The following CTNNA3 variants were observed in gnomAD, a reference collection of about 807,000 sequenced individuals.
CTNNA3 encodes catenin alpha 3, also known as catenin alpha-3.
In CTNNA3, 76 loss-of-function variants were observed where a neutral mutation model predicts 95.7. The ratio of observed to expected loss-of-function variants is 0.79; its 90% CI spans 0.66 to 0.96. The LOEUF is 0.96. Ranked by LOEUF, CTNNA3 falls within the 40% of genes least tolerant of loss-of-function variation. The pLI, the probability that CTNNA3 is intolerant of heterozygous loss-of-function variation, is 0.00. For missense variants in CTNNA3, 1,191 were observed against 1,089.8 expected, an observed-to-expected ratio of 1.09 and a Z score of -1.31; for synonymous variants, 431 against 374.4, an observed-to-expected ratio of 1.15 and a Z score of -1.74.
intron 2 of CTNNA3, among the ~76,000 whole-genome samples, chr10:67,638,753 A>T (rs534785404): frequency 6.6e-6 from 1 of 152,198 alleles, no homozygotes; most frequent in African/African-American, 2.4e-5. Flanking sequence ...CTGCTCCTGA[A>T]TGACTACTGG....
chr10:66,165,416 T>C (rs577459370), intron 13 of CTNNA3, among the ~76,000 whole-genome samples: 39 of 152,238 alleles, frequency 2.6e-4, no homozygotes, highest in Middle Eastern at 3.4e-3. Context: ...CTAAGTAAAA[T>C]TGCATTATGC....
intron 11 of CTNNA3, among the ~76,000 whole-genome samples, chr10:66,441,909 C>T (rs1290520234): frequency 2.0e-5 from 3 of 152,136 alleles, no homozygotes; most frequent in African/African-American, 7.2e-5. Context: ...TAGACTTGTT[C>T]AGTGCTATCT....
chr10:67,741,972 G>A (rs892599055), intron 1 of CTNNA3, among the ~76,000 whole-genome samples: 8 of 151,144 alleles, frequency 5.3e-5, no homozygotes, highest in Admixed American at 4.6e-4. Flanking sequence ...CAAATATTGG[G>A]TGCACCCAAT....
chr10:65,941,491 T>C (rs1307632686), intron 17 of CTNNA3, among the ~76,000 whole-genome samples: 1 of 152,152 alleles, frequency 6.6e-6, no homozygotes, highest in Non-Finnish European at 1.5e-5. Flanking sequence ...ACCCACGTGA[T>C]TCCCATGCAG....
chr10:66,974,440 C>T (rs1849908635), intron 7 of CTNNA3, among the ~76,000 whole-genome samples: 1 of 152,144 alleles, frequency 6.6e-6, no homozygotes, highest in Non-Finnish European at 1.5e-5. Context: ...CAGTTTTTGA[C>T]TATTGTGAAT....
rs951290564 is a variant in CTNNA3 at position 67,727,586 on chromosome 10, TATATATC to T, written c.-2+35841_-2+35847del. Among the ~76,000 whole-genome samples the T allele has an allele frequency of 9.3e-5, 12 of 128,714 alleles. No homozygotes were observed. The East Asian group carries it at 1.0e-3, about 11-fold the overall frequency. 84.4% of individuals were successfully genotyped at this position (128,714 alleles called of 152,430 possible). On this transcript the variant is annotated intron_variant, in intron 1 of 17. Coordinates refer to the CTNNA3 transcript ENST00000684154. Reference sequence around the variant, plus strand: ...ATATAATATGTAGCATAATATATGATATATATCATATATCATATATTATATATGCAAT... The same window carrying T: ...ATATAATATGTAGCATAATATATGATATATATCATATATTATATATGCAAT...
intron 12 of CTNNA3, among the ~76,000 whole-genome samples, chr10:66,340,435 C>G (rs2092441932): frequency 6.6e-6 from 1 of 151,684 alleles, no homozygotes; most frequent in Non-Finnish European, 1.5e-5. Context: ...GATGGTAGAG[C>G]TGTTTGTTTG....
At chr10:65,949,886 C>T (rs149814270) in intron 17 of CTNNA3, among the ~76,000 whole-genome samples, 89 of 151,950 alleles carry the variant, frequency 5.9e-4, no homozygotes, top group Admixed American at 1.3e-3. Flanking sequence ...AAATGGGCAA[C>T]CAGGTAAAGG....
chr10:67,684,779 C>A (rs558439628), intron 1 of CTNNA3, among the ~76,000 whole-genome samples: 3 of 152,062 alleles, frequency 2.0e-5, no homozygotes, highest in Admixed American at 2.0e-4. Context: ...ACAAATTTGA[C>A]GAAGAGGTTA....
chr10:66,520,574 A>T (rs2132020615), intron 11 of CTNNA3, 43 bp downstream of exon 11: 1 of 1,551,870 alleles, frequency 6.4e-7, no homozygotes, highest in South Asian at 1.2e-5. Flanking sequence ...ATTTTATAAA[A>T]TTGACAAGAG....
At chr10:65,937,897 G>A (rs1401454412) in intron 17 of CTNNA3, among the ~76,000 whole-genome samples, 2 of 151,998 alleles carry the variant, frequency 1.3e-5, no homozygotes. Flanking sequence ...AGTAAGCAAA[G>A]GAAGGAGTGA....
intron 15 of CTNNA3, among the ~76,000 whole-genome samples, chr10:66,046,687 T>C (rs192329492): frequency 1.4e-4 from 21 of 151,946 alleles, no homozygotes; most frequent in Admixed American, 8.5e-4. Context: ...GAATTGGTTT[T>C]TTGAAAAAAA....
chr10:65,950,490 GT>G (rs1364043740), intron 17 of CTNNA3, among the ~76,000 whole-genome samples: 2 of 151,612 alleles, frequency 1.3e-5, no homozygotes, highest in Non-Finnish European at 2.9e-5. Context: ...ATCCAGCTCT[GT>G]TTTTTTCCTT....
chr10:66,902,499 A>G (rs775693367), intron 7 of CTNNA3, among the ~76,000 whole-genome samples: 8 of 152,168 alleles, frequency 5.3e-5, no homozygotes, highest in Non-Finnish European at 8.8e-5. Context: ...ACAAATTCAA[A>G]AGCTAGCAGA....
chr10:67,503,953 C>T (rs540128234), intron 5 of CTNNA3, among the ~76,000 whole-genome samples: 5 of 152,092 alleles, frequency 3.3e-5, no homozygotes, highest in Non-Finnish European at 7.4e-5. Flanking sequence ...GTCAGGAGAT[C>T]AAGACCATCC....
chr10:67,726,277 T>A (rs1431420298), intron 1 of CTNNA3, among the ~76,000 whole-genome samples: 6 of 94,176 alleles, frequency 6.4e-5, no homozygotes, highest in African/African-American at 1.9e-4. Flanking sequence ...ATTATATATA[T>A]TATATTACAT....
chr10:66,957,429 C>CATAT lies in CTNNA3; in HGVS notation c.1048-181909_1048-181906dup, dbSNP rs765398428. 2.3e-3 allele frequency among the ~76,000 whole-genome samples: 62 copies of CATAT among 27,240 alleles called. 1 individual carries two copies. The highest frequency in any genetic ancestry group is 3.3e-3 in the Non-Finnish European group (47 of 14,258). The allele number at this position is 27,240 out of a possible 152,430, so 17.9% of individuals were successfully genotyped here. On this transcript the variant is annotated intron_variant, in intron 7 of 17. Transcript: ENST00000433211. The stretch of plus-strand genomic sequence containing the variant: ...ATATATATATGCATATATATATATG[C>CATAT]ATATATATATATGCATATATATATA...
intron 3 of CTNNA3, among the ~76,000 whole-genome samples, chr10:67,601,232 T>C (rs528681813): frequency 6.6e-6 from 1 of 152,136 alleles, no homozygotes; most frequent in South Asian, 2.1e-4. Flanking sequence ...CCCAACCATT[T>C]TGGCACCAGA....
At chr10:67,508,080 T>C (rs7905186) in intron 5 of CTNNA3, among the ~76,000 whole-genome samples, 60,507 of 151,956 alleles carry the variant, frequency 0.4, 15,336 homozygotes, top group African/African-American at 0.69. Context: ...GTGGCGCAAT[T>C]GTAGCTCATT....
Sources: allele counts gnomAD v4.1 joint callset (sites outside exome capture counted in the v4.1 genomes callset), GRCh38; gene constraint gnomAD v4.1.1; transcripts MANE v1.5; gene names NCBI Gene and HGNC (gene_info 2026-07-23, HGNC 2026-07-21).